The following CSMD2 variants were observed in gnomAD, a reference collection of about 807,000 sequenced individuals.
The protein encoded by CSMD2 is CUB and sushi domain-containing protein 2.
Under a neutral mutation model 398.5 loss-of-function variants are expected in CSMD2, and 130 were observed. That is an observed-to-expected ratio of 0.33 (90% CI 0.28 to 0.38). The LOEUF is 0.38. Among genes scored for constraint, CSMD2 ranks in the 10% least tolerant of loss-of-function variants. CSMD2 has a pLI of 1.00. For synonymous variants in CSMD2, 1,828 were observed against 1,908.5 expected (o/e 0.96, Z 1.10); for missense variants, 3,829 against 4,764.9 (o/e 0.80, Z 5.78).
chr1:33,702,711 T>C (rs1308273225), intron 22 of CSMD2, among the ~76,000 whole-genome samples: 1 of 152,190 alleles, frequency 6.6e-6, no homozygotes, highest in Non-Finnish European at 1.5e-5. Context: ...GGCAGGAATT[T>C]CTATAATAAA....
At chr1:33,987,826 T>G (rs775187186) in intron 3 of CSMD2, among the ~76,000 whole-genome samples, 2 of 152,288 alleles carry the variant, frequency 1.3e-5, no homozygotes, top group Middle Eastern at 3.4e-3. Context: ...ACCATGCCCC[T>G]GTGTTCAAGT....
At chr1:34,044,147 C>A (rs1652205934) in intron 2 of CSMD2, among the ~76,000 whole-genome samples, 1 of 152,122 alleles carries the variant, frequency 6.6e-6, no homozygotes, top group Admixed American at 6.5e-5. Context: ...GGTGGTGATG[C>A]AGACCCCCCA....
intron 1 of CSMD2, among the ~76,000 whole-genome samples, chr1:34,092,588 T>C (rs1658723790): frequency 6.6e-6 from 1 of 152,166 alleles, no homozygotes. Context: ...AGGCATTGCC[T>C]CACTCGGGAC....
chr1:33,820,879 C>T (rs1428928478), intron 7 of CSMD2, among the ~76,000 whole-genome samples: 1 of 152,114 alleles, frequency 6.6e-6, no homozygotes. Flanking sequence ...CCATCCACAG[C>T]CCCTGGTGAC....
intron 25 of CSMD2, among the ~76,000 whole-genome samples, chr1:33,668,937 T>C (rs1644401951): frequency 6.6e-6 from 1 of 152,116 alleles, no homozygotes; most frequent in African/African-American, 2.4e-5. Context: ...GTGCAATAGG[T>C]GCTAAAGAGT....
At chr1:34,130,389 C>CA (rs60733725) in intron 1 of CSMD2, among the ~76,000 whole-genome samples, 18,541 of 58,290 alleles carry the variant, frequency 0.32, 3,595 homozygotes, top group Non-Finnish European at 0.36. Context: ...TGTCTGGAGG[C>CA]AAAAAAAAAA....
At chr1:34,084,853 C>A (rs1475373509) in intron 2 of CSMD2, among the ~76,000 whole-genome samples, 8 of 152,104 alleles carry the variant, frequency 5.3e-5, no homozygotes, top group Non-Finnish European at 1.2e-4. Context: ...CTAGAAATAC[C>A]ATTTGACCCA....
rs568428669 is a variant in CSMD2 at position 34,027,534 on chromosome 1, A to T, written c.517+5060T>A. On this transcript the variant is annotated intron_variant, in intron 3 of 70. Coordinates refer to ENST00000373381, the MANE Select transcript of CSMD2 (RefSeq NM_001281956.2). ...ACTTCCAAGAATTTATTCTAAGAAG[A>T]TAATTAGATGAGGGCTTAAATTGTA... 2.9e-4 allele frequency among the ~76,000 whole-genome samples: 44 copies of T among 152,364 alleles called. No individual in the cohort carries two copies. In the South Asian group the frequency reaches 9.1e-3, roughly 32 times the overall value.
At chr1:33,522,553 G>T (rs1362298708) in intron 67 of CSMD2, among the ~76,000 whole-genome samples, 1 of 152,202 alleles carries the variant, frequency 6.6e-6, no homozygotes, top group African/African-American at 2.4e-5. Flanking sequence ...TTCTCCTGAT[G>T]TGTTTATAAA....
At chr1:33,986,866 C>T (rs888032445) in intron 3 of CSMD2, among the ~76,000 whole-genome samples, 5 of 152,164 alleles carry the variant, frequency 3.3e-5, no homozygotes, top group Non-Finnish European at 7.3e-5. Flanking sequence ...GGACATGCAG[C>T]CCCTGATTGC....
intron 25 of CSMD2, among the ~76,000 whole-genome samples, chr1:33,668,192 C>A (rs1216877521): frequency 6.6e-6 from 1 of 152,056 alleles, no homozygotes; most frequent in African/African-American, 2.4e-5. Context: ...GACACTGGGC[C>A]AGGAGAGGTA....
intron 5 of CSMD2, among the ~76,000 whole-genome samples, chr1:33,852,770 A>G (rs185538209): frequency 7.0e-4 from 107 of 152,352 alleles, no homozygotes; most frequent in Middle Eastern, 3.4e-3. Flanking sequence ...CAGAACAAAT[A>G]CATTTCATAG....
At position 33,629,100 on chromosome 1, in the gene CSMD2, G is replaced by A. The variant is rs115121234; in HGVS notation, c.5201-2519C>T. Among the ~76,000 whole-genome samples the A allele has an allele frequency of 2.3e-3, 345 of 150,428 alleles. 2 individuals are homozygous for A. The highest frequency in any genetic ancestry group is 8.3e-3 in the African/African-American group (340 of 41,140). ...AAAACAAAACCCAAAACTAAAGTAGGGAATTCAGACACCAGCAGGGATAAA... is the reference window on the plus strand; with the variant it reads ...AAAACAAAACCCAAAACTAAAGTAGAGAATTCAGACACCAGCAGGGATAAA... On this transcript the variant is annotated intron_variant, in intron 32 of 70. Coordinates refer to ENST00000373381, the MANE Select transcript of CSMD2 (RefSeq NM_001281956.2).
At chr1:33,671,927 A>T (rs1644514433) in intron 25 of CSMD2, among the ~76,000 whole-genome samples, 1 of 152,160 alleles carries the variant, frequency 6.6e-6, no homozygotes, top group Non-Finnish European at 1.5e-5. Context: ...ACAAACAAAC[A>T]AATGATTCCC....
chr1:34,013,465 T>C (rs1647651838), intron 3 of CSMD2, among the ~76,000 whole-genome samples: 1 of 152,154 alleles, frequency 6.6e-6, no homozygotes, highest in Non-Finnish European at 1.5e-5. Context: ...TCAGCCAACA[T>C]GTGCTGAGCT....
chr1:33,782,264 A>G (rs1312124414), intron 12 of CSMD2, among the ~76,000 whole-genome samples: 1 of 152,022 alleles, frequency 6.6e-6, no homozygotes, highest in Non-Finnish European at 1.5e-5. Flanking sequence ...AACAGGGGCT[A>G]AAATGGAGGC....
chr1:33,572,576 G>T lies in CSMD2; in HGVS notation c.7692C>A (p.Gly2564=). ...SCSEGYHLQA[G]AEATAECLDT... The stretch of plus-strand genomic sequence containing the variant: ...CCAGACACTCTGCAGTGGCCTCAGC[G>T]CCTGCCTGGAGGTGGTAGCCTTCAC... Residue 2564 remains glycine, a synonymous_variant, in exon 50 of 71, where the codon GGC becomes GGA. Coordinates refer to ENST00000373381, the MANE Select transcript of CSMD2 (RefSeq NM_001281956.2). 6.2e-7 allele frequency: 1 copy of T among 1,614,118 alleles called. No homozygotes were observed. Among genetic ancestry groups the T allele is most frequent in the Non-Finnish European group, 8.5e-7 (1 of 1,180,006 alleles).
At chr1:33,801,433 C>A (rs937325603) in intron 10 of CSMD2, among the ~76,000 whole-genome samples, 2 of 152,102 alleles carry the variant, frequency 1.3e-5, no homozygotes, top group Non-Finnish European at 2.9e-5. Context: ...AGGGACCTAA[C>A]AAGAGGAGGC....
Position 33,726,637 on chromosome 1 carries a change from G to C in CSMD2, c.2417C>G (p.Pro806Arg). The C allele has an allele frequency of 6.2e-7, 1 of 1,613,420 alleles. No homozygotes were observed. Among genetic ancestry groups the C allele is most frequent in the Non-Finnish European group, 8.5e-7 (1 of 1,179,944 alleles). The stretch of plus-strand genomic sequence containing the variant: ...ATCCTTGTAGAAGCCAGGCCAGCCC[G>C]GAGAGAGGATGGTGCCGCTGGGCGA... The part of the protein sequence containing the change: ...LTSPSGTILS[P>R]GWPGFYKDAL... The change falls in exon 16 of 71, where the codon CCG becomes CGG. Residue 806 changes from proline to arginine, a missense_variant. Around this residue, in one of 5 missense-constraint regions of CSMD2, gnomAD observed 2,001 missense variants for 2,567.1 expected, o/e 0.78. Coordinates refer to ENST00000373381, the MANE Select transcript of CSMD2 (RefSeq NM_001281956.2).
Sources: gnomAD v4.1 joint callset for allele counts (sites outside exome capture counted in the v4.1 genomes callset) on GRCh38, gnomAD v4.1.1 for gene constraint, gnomAD v4.1.1 regional missense constraint, MANE v1.5 for transcripts, NCBI Gene and HGNC (gene_info 2026-07-23, HGNC 2026-07-21) for gene names.